The following SGCG variants were observed in gnomAD, a reference collection of about 807,000 sequenced individuals.
SGCG encodes gamma-sarcoglycan.
In SGCG, 26 loss-of-function variants were observed where a neutral mutation model predicts 29.3. The observed-to-expected ratio is 0.89, with a 90% confidence interval of 0.65 to 1.23. The LOEUF (loss-of-function observed/expected upper bound fraction) is 1.23. SGCG is among the 50% of genes most tolerant of loss of function. SGCG has a pLI of 0.00. For missense variants in SGCG, 353 were observed against 356.0 expected (o/e 0.99, Z 0.07); for synonymous variants, 145 against 129.7 (o/e 1.12, Z -0.80).
chr13:23,265,176 G>C (rs1027571904), intron 4 of SGCG, among the ~76,000 whole-genome samples: 2 of 151,728 alleles, frequency 1.3e-5, no homozygotes, highest in Non-Finnish European at 2.9e-5. Context: ...TCTGACAAAG[G>C]ACTAATATCT....
chr13:23,164,271 A>G, the SGCG span, among the ~76,000 whole-genome samples: 6 of 152,240 alleles, frequency 3.9e-5, no homozygotes, highest in Non-Finnish European at 5.9e-5. Context: ...TCACAGGTAC[A>G]TGTAATATCA....
At chr13:23,230,824 G>C (rs145200085) in intron 2 of SGCG, among the ~76,000 whole-genome samples, 56 of 152,230 alleles carry the variant, frequency 3.7e-4, no homozygotes, top group African/African-American at 1.3e-3. Flanking sequence ...ACACTGTGTT[G>C]AATAGGAGTG....
At chr13:23,209,950 G>C (rs1334922148) in intron 2 of SGCG, among the ~76,000 whole-genome samples, 1 of 152,130 alleles carries the variant, frequency 6.6e-6, no homozygotes, top group Admixed American at 6.5e-5. Flanking sequence ...AATTTCTCTT[G>C]CTGGATATTG....
At chr13:23,313,038 G>T (rs1218679161) in intron 6 of SGCG, among the ~76,000 whole-genome samples, 3 of 151,922 alleles carry the variant, frequency 2.0e-5, no homozygotes, top group Non-Finnish European at 2.9e-5. Context: ...AAAAGATTAG[G>T]TTTTCTTATC....
At chr13:23,218,842 C>T (rs1878533546) in intron 2 of SGCG, among the ~76,000 whole-genome samples, 1 of 150,980 alleles carries the variant, frequency 6.6e-6, no homozygotes, top group African/African-American at 2.4e-5. Context: ...AGGAAAAACT[C>T]AGGAAAATTA....
intron 2 of SGCG, among the ~76,000 whole-genome samples, chr13:23,204,173 T>C (rs181029442): frequency 6.6e-6 from 1 of 151,302 alleles, no homozygotes; most frequent in Admixed American, 6.6e-5. Context: ...TTGTGGTTGA[T>C]TGAGTCAGGA....
At chr13:23,240,919 C>T (rs941774972) in intron 3 of SGCG, among the ~76,000 whole-genome samples, 9 of 151,858 alleles carry the variant, frequency 5.9e-5, no homozygotes, top group African/African-American at 1.7e-4. Context: ...TTTGGGAGGC[C>T]GAGGCAGGCG....
intron 4 of SGCG, among the ~76,000 whole-genome samples, chr13:23,272,505 G>A (rs370641547): frequency 9.9e-5 from 15 of 152,044 alleles, no homozygotes; most frequent in African/African-American, 3.4e-4. Context: ...ACTTTATCAA[G>A]GTATATTATT....
rs889465095 is a variant in SGCG at position 23,192,662 on chromosome 13, CT to C, written c.1-11032del. Among the ~76,000 whole-genome samples, 8 of 152,294 alleles carry C rather than the reference CT, an allele frequency of 5.3e-5. No individual in the cohort carries two copies. The East Asian group carries it at 1.2e-3, about 22-fold the overall frequency. On this transcript the variant is annotated intron_variant, in intron 1 of 7. Transcript: ENST00000218867. ...CCACCTGCCTCAGCCTCCCAGAGTG[CT>C]GGGATTACAGGCGTGAGCCATGGCG...
At chr13:23,193,210 A>G (rs372482133) in intron 1 of SGCG, among the ~76,000 whole-genome samples, 12 of 152,294 alleles carry the variant, frequency 7.9e-5, no homozygotes, top group Admixed American at 2.6e-4. Flanking sequence ...GAGGGATGGA[A>G]AGGCTGGTGC....
At chr13:23,293,535 G>A (rs1214663564) in intron 5 of SGCG, among the ~76,000 whole-genome samples, 1 of 152,170 alleles carries the variant, frequency 6.6e-6, no homozygotes, top group Non-Finnish European at 1.5e-5. Context: ...AAGGTACTGT[G>A]AACTGTAGGG....
chr13:23,243,320 G>C (rs538054624), intron 3 of SGCG, among the ~76,000 whole-genome samples: 1 of 152,170 alleles, frequency 6.6e-6, no homozygotes, highest in Non-Finnish European at 1.5e-5. Context: ...ACAGTTATGA[G>C]GCCACATCCA....
intron 1 of SGCG, among the ~76,000 whole-genome samples, chr13:23,196,540 T>C (rs1385834693): frequency 6.6e-6 from 1 of 152,238 alleles, no homozygotes; most frequent in Non-Finnish European, 1.5e-5. Context: ...AGGGTGAAGC[T>C]GAACATTTTT....
At chr13:23,190,150 GTA>G (rs59781557) in intron 1 of SGCG, among the ~76,000 whole-genome samples, 1,853 of 152,198 alleles carry the variant, frequency 0.012, 34 homozygotes, top group African/African-American at 0.041. Flanking sequence ...TTTTGTATGA[GTA>G]TATGTGGAAA....
Position 23,324,870 on chromosome 13 carries a change from C to T in SGCG, c.*329C>T. On this transcript the variant is annotated 3_prime_UTR_variant, in exon 8 of 8. Coordinates refer to ENST00000218867, the MANE Select transcript of SGCG (RefSeq NM_000231.3). ...GGGCACACACTGAGTGTTGAGTTGC[C>T]GTGTGGAGTTAATGTATGACGCTCC... 1 of 374,798 alleles carries T rather than the reference C, an allele frequency of 2.7e-6. No homozygotes were observed. Among genetic ancestry groups the T allele is most frequent in the South Asian group, 2.1e-5 (1 of 47,402 alleles). The allele number at this position is 374,798 out of a possible 1,614,324, so 23.2% of individuals were successfully genotyped here. A position where few individuals can be genotyped will look rare whatever the true frequency, so the allele number is the denominator to read the frequency against.
chr13:23,252,415 GGC>G (rs1880002385), intron 4 of SGCG, among the ~76,000 whole-genome samples: 1 of 152,116 alleles, frequency 6.6e-6, no homozygotes, highest in African/African-American at 2.4e-5. Context: ...TTAGCGGCCG[GGC>G]ACGGTGGCTC....
chr13:23,296,299 A>G (rs1432878554), intron 6 of SGCG, among the ~76,000 whole-genome samples: 1 of 152,238 alleles, frequency 6.6e-6, no homozygotes, highest in Non-Finnish European at 1.5e-5. Context: ...GTTTACTTTA[A>G]ATTTTTAAAA....
chr13:23,310,003 G>A (rs1393847819), intron 6 of SGCG, among the ~76,000 whole-genome samples: 11 of 150,898 alleles, frequency 7.3e-5, no homozygotes, highest in Admixed American at 2.6e-4. Flanking sequence ...TTGTATGTAA[G>A]CGGCTACTAG....
chr13:23,264,824 G>A (rs1593205858), intron 4 of SGCG, among the ~76,000 whole-genome samples: 1 of 152,162 alleles, frequency 6.6e-6, no homozygotes, highest in South Asian at 2.1e-4. Context: ...CATAAACTGG[G>A]GAAAACACAT....
Sources: allele counts gnomAD v4.1 joint callset (sites outside exome capture counted in the v4.1 genomes callset), GRCh38; gene constraint gnomAD v4.1.1; transcripts MANE v1.5; gene names NCBI Gene and HGNC (gene_info 2026-07-23, HGNC 2026-07-21).